The following DGKG variants were observed in gnomAD, a reference collection of about 807,000 sequenced individuals.
DGKG encodes the protein DAG kinase gamma.
In DGKG, 78 loss-of-function variants were observed where a neutral mutation model predicts 105.3. The observed-to-expected ratio is 0.74, with a 90% CI of 0.62 to 0.89. DGKG has a LOEUF of 0.89. Ranked by LOEUF, DGKG falls within the 40% of genes least tolerant of loss-of-function variation. The pLI is 0.00. For missense variants in DGKG, 958 were observed against 1,020.1 expected (o/e 0.94, Z 0.83); for synonymous variants, 346 against 367.1 (o/e 0.94, Z 0.66).
Position 186,279,244 on chromosome 3 carries a change from T to C in DGKG, c.792+607A>G, listed in dbSNP as rs1421488405. On this transcript the variant is annotated intron_variant, in intron 9 of 24. Coordinates refer to ENST00000265022, the MANE Select transcript of DGKG (RefSeq NM_001346.3). Reference sequence around the variant, plus strand: ...AACACCTTCCAAGGTTTCTTCCCACTGGCCTAACTCTCATGTGTGGGATAT... The same window carrying C: ...AACACCTTCCAAGGTTTCTTCCCACCGGCCTAACTCTCATGTGTGGGATAT... 5.3e-5 allele frequency: 8 copies of C among 152,262 alleles called. No homozygotes were observed. In the East Asian group the frequency reaches 1.3e-3, roughly 26 times the overall value. The allele number at this position is 152,262 out of a possible 1,614,324, so 9.4% of individuals were successfully genotyped here. A position where few individuals can be genotyped will look rare whatever the true frequency, so the allele number is the denominator to read the frequency against.
chr3:186,187,664 G>A (rs764886957), intron 22 of DGKG, among the ~76,000 whole-genome samples: 2 of 152,216 alleles, frequency 1.3e-5, no homozygotes, highest in African/African-American at 2.4e-5. Context: ...ACTGGATGGG[G>A]TGATCAAGGG....
chr3:186,222,184 G>A (rs750161179), intron 20 of DGKG, among the ~76,000 whole-genome samples: 29 of 152,166 alleles, frequency 1.9e-4, no homozygotes, highest in African/African-American at 6.5e-4. Flanking sequence ...TTCTGAACAC[G>A]AGGCAGTGCC....
At position 186,316,094 on chromosome 3, in the gene DGKG, A is replaced by G. The variant is rs543527142; in HGVS notation, c.67+4299T>C. 4.6e-5 allele frequency among the ~76,000 whole-genome samples: 7 copies of G among 152,358 alleles called. No homozygotes were observed. In the East Asian group the frequency reaches 1.3e-3, roughly 29 times the overall value. ...AGGAACACTAAGGTCCCACCATGTG[A>G]GTGAATGAGCCATGACGGATGGTCT... On this transcript the variant is annotated intron_variant, in intron 2 of 24. Transcript: ENST00000265022.
chr3:186,166,693 T>G (rs1716564696), intron 22 of DGKG, among the ~76,000 whole-genome samples: 6 of 147,606 alleles, frequency 4.1e-5, no homozygotes, highest in East Asian at 2.0e-4. Context: ...AGGAAAAGGG[T>G]GAGGAGGAGG....
chr3:186,250,567 T>TTTTTTTTTTTTTTTTTTA (rs1721165070), intron 19 of DGKG, among the ~76,000 whole-genome samples: 1 of 148,094 alleles, frequency 6.8e-6, no homozygotes, highest in African/African-American at 2.5e-5. Context: ...CTTTTTTTTT[T>TTTTTTTTTTTTTTTTTTA]GAGACAGAGT....
At position 186,149,902 on chromosome 3, in the gene DGKG, A is replaced by G; in HGVS notation, c.*188T>C. 7.1e-7 allele frequency: 1 copy of G among 1,407,684 alleles called. No individual in the cohort carries two copies. The highest frequency in any genetic ancestry group is 9.2e-7 in the Non-Finnish European group (1 of 1,086,030). 87.2% of individuals were successfully genotyped at this position (1,407,684 alleles called of 1,614,324 possible). On this transcript the variant is annotated 3_prime_UTR_variant, in exon 25 of 25. Transcript: ENST00000265022. ...CACTGGCTCTGTTAGGGGTGTACCC[A>G]CTGTTGAAACAGAATGTATGGCAAG...
At chr3:186,321,682 G>A (rs1725084078) in intron 1 of DGKG, among the ~76,000 whole-genome samples, 1 of 152,234 alleles carries the variant, frequency 6.6e-6, no homozygotes, top group South Asian at 2.1e-4. Flanking sequence ...AGTGCTGGAT[G>A]AGACGACCAA....
At chr3:186,229,865 G>T (rs1486984778) in intron 20 of DGKG, among the ~76,000 whole-genome samples, 1 of 152,168 alleles carries the variant, frequency 6.6e-6, no homozygotes, top group Non-Finnish European at 1.5e-5. Flanking sequence ...GAGTGAGAAA[G>T]CTTATGAACA....
intron 5 of DGKG, among the ~76,000 whole-genome samples, chr3:186,289,883 A>G (rs1420354520): frequency 1.3e-5 from 2 of 152,172 alleles, no homozygotes; most frequent in African/African-American, 4.8e-5. Flanking sequence ...GAAACAAATA[A>G]CCAAGCAATG....
chr3:186,197,310 G>A (rs530640788), intron 21 of DGKG, among the ~76,000 whole-genome samples: 1 of 152,244 alleles, frequency 6.6e-6, no homozygotes, highest in South Asian at 2.1e-4. Context: ...GAGGGGCATG[G>A]GCAGGAGATG....
intron 20 of DGKG, among the ~76,000 whole-genome samples, chr3:186,228,893 C>A (rs541217304): frequency 1.3e-5 from 2 of 152,124 alleles, no homozygotes; most frequent in Non-Finnish European, 2.9e-5. Context: ...TGTGTCCCCC[C>A]CAAAAATGAT....
At chr3:186,199,842 AC>A (rs1373563418) in intron 21 of DGKG, among the ~76,000 whole-genome samples, 2 of 152,138 alleles carry the variant, frequency 1.3e-5, no homozygotes, top group African/African-American at 4.8e-5. Context: ...AGATGAGGAA[AC>A]ATTGACTCGG....
Position 186,257,861 on chromosome 3 carries a change from A to G in DGKG, c.1503T>C (p.Asp501=), listed in dbSNP as rs1292768212. Residue 501 remains aspartate (D), a synonymous_variant, in exon 17 of 25, where the codon GAT becomes GAC. Coordinates refer to ENST00000265022, the MANE Select transcript of DGKG (RefSeq NM_001346.3). ...CTCTCAGCCCATGCTTACCAATGCA[A>G]TCCAAAATCCAGCCAACTGTCCCAT... ...GGDGTVGWIL[D]CIDKANFAKH... 2.5e-6 allele frequency: 4 copies of G among 1,613,646 alleles called. No homozygotes were observed. The Admixed American group carries it at 5.0e-5, about 20-fold the overall frequency.
intron 1 of DGKG, among the ~76,000 whole-genome samples, chr3:186,358,881 G>A (rs1727101480): frequency 6.6e-6 from 1 of 152,204 alleles, no homozygotes; most frequent in South Asian, 2.1e-4. Context: ...GTATGGAGAA[G>A]TGGGACATTA....
intron 19 of DGKG, among the ~76,000 whole-genome samples, chr3:186,244,088 G>T (rs1201840934): frequency 6.6e-6 from 1 of 151,876 alleles, no homozygotes; most frequent in African/African-American, 2.4e-5. Context: ...GTAGAGACGG[G>T]TCTTCGCCAT....
intron 23 of DGKG, among the ~76,000 whole-genome samples, chr3:186,163,336 T>A (rs1407260722): frequency 6.6e-6 from 1 of 152,138 alleles, no homozygotes; most frequent in Non-Finnish European, 1.5e-5. Flanking sequence ...GATGAAGTCT[T>A]CTGACTTCCC....
At chr3:186,324,104 CAA>C (rs561960985) in intron 1 of DGKG, among the ~76,000 whole-genome samples, 17 of 58,352 alleles carry the variant, frequency 2.9e-4, no homozygotes, top group African/African-American at 5.0e-4. Flanking sequence ...GAGAGTCTGT[CAA>C]AAAAAAAAAA....
chr3:186,218,486 G>C (rs1719409919), intron 20 of DGKG, among the ~76,000 whole-genome samples: 1 of 126,812 alleles, frequency 7.9e-6, no homozygotes, highest in South Asian at 2.7e-4. Context: ...CCTGGCGACA[G>C]AGCGAGACTC....
chr3:186,355,203 C>A (rs112735485), intron 1 of DGKG, among the ~76,000 whole-genome samples: 22 of 120,544 alleles, frequency 1.8e-4, no homozygotes, highest in South Asian at 1.5e-3. Flanking sequence ...AATACCACCA[C>A]CAACACCACT....
Sources: gnomAD v4.1 joint callset for allele counts (sites outside exome capture counted in the v4.1 genomes callset) on GRCh38, gnomAD v4.1.1 for gene constraint, MANE v1.5 for transcripts, NCBI Gene and HGNC (gene_info 2026-07-23, HGNC 2026-07-21) for gene names.